Variants in LRRC8A observed in about 807,000 individuals in gnomAD.
The protein encoded by LRRC8A is volume-regulated anion channel subunit LRRC8A.
In LRRC8A, 24 loss-of-function variants were observed where a neutral mutation model predicts 52.5. The observed-to-expected ratio is 0.46, with a 90% CI of 0.33 to 0.64. The LOEUF is 0.64. Ranked by LOEUF, LRRC8A falls within the 30% of genes least tolerant of loss-of-function variation. The pLI, the probability that LRRC8A is intolerant of heterozygous loss-of-function variation, is 0.02. For synonymous variants in LRRC8A, 492 were observed against 494.2 expected (o/e 1.00, Z 0.06); for missense variants, 677 against 1,094.7 (o/e 0.62, Z 5.38).
At chr9:128,903,013 C>G (rs2130996267) in intron 2 of LRRC8A, among the ~76,000 whole-genome samples, 1 of 152,306 alleles carries the variant, frequency 6.6e-6, no homozygotes, top group Non-Finnish European at 1.5e-5. Flanking sequence ...AGGCGGAGGG[C>G]AAGTCCCACA....
chr9:128,894,701 G>C (rs1839754849), intron 2 of LRRC8A, among the ~76,000 whole-genome samples: 2 of 151,096 alleles, frequency 1.3e-5, no homozygotes, highest in African/African-American at 4.9e-5. Context: ...GCTGAGGCAG[G>C]AGAATCGCTT....
At chr9:128,896,784 C>T (rs1006784476) in intron 2 of LRRC8A, among the ~76,000 whole-genome samples, 9 of 152,192 alleles carry the variant, frequency 5.9e-5, no homozygotes, top group Middle Eastern at 3.4e-3. Context: ...TGCAGTGGTA[C>T]GATGTCTGCT....
Position 128,899,100 on chromosome 9 carries a change from A to G in LRRC8A, c.-8-8057A>G, listed in dbSNP as rs1450307321. ...GGGGAAGGAGGAGTCCAGGCTGGGCAGAGGCCTGGGCGCACCCACCCCTTG... is the reference window on the plus strand; with the variant it reads ...GGGGAAGGAGGAGTCCAGGCTGGGCGGAGGCCTGGGCGCACCCACCCCTTG... On this transcript the variant is annotated intron_variant, in intron 2 of 3. Transcript: ENST00000372600. The surrounding 1 kb of genome is among the most constrained non-coding windows in gnomAD (Gnocchi z 4.0). Among the ~76,000 whole-genome samples the G allele has an allele frequency of 6.6e-6, 1 of 152,208 alleles. No homozygotes were observed. The highest frequency in any genetic ancestry group is 1.5e-5 in the Non-Finnish European group (1 of 68,034).
intron 1 of LRRC8A, among the ~76,000 whole-genome samples, chr9:128,885,743 AC>A (rs761827899): frequency 3.3e-5 from 5 of 152,188 alleles, no homozygotes; most frequent in Non-Finnish European, 7.4e-5. Flanking sequence ...CGCTGTCTCT[AC>A]TAAAAATACA....
At chr9:128,887,793 C>T (rs907693779) in intron 2 of LRRC8A, among the ~76,000 whole-genome samples, 2 of 152,128 alleles carry the variant, frequency 1.3e-5, no homozygotes, top group African/African-American at 2.4e-5. Context: ...AGGCGCCCGC[C>T]ACCACGCCCG....
rs1303356818 is a variant in LRRC8A at position 128,909,318 on chromosome 9, C to T, written c.2154C>T (p.Asn718=). The change falls in exon 3 of 4, where the codon AAC becomes AAT. Residue 718 remains asparagine, a synonymous_variant. Coordinates refer to ENST00000372600, the MANE Select transcript of LRRC8A (RefSeq NM_019594.4). ...QNLQNLAITA[N]RIETLPPELF... ...TCCAGAACCTAGCCATCACGGCCAA[C>T]CGGGTGAGTGGCCCGGCCACAGCTC... 1 of 1,612,280 alleles carries T rather than the reference C, an allele frequency of 6.2e-7. No homozygotes were observed. The highest frequency in any genetic ancestry group is 8.5e-7 in the Non-Finnish European group (1 of 1,179,678).
chr9:128,908,539 G>A lies in LRRC8A; in HGVS notation c.1375G>A (p.Val459Met), dbSNP rs1252734487. The stretch of plus-strand genomic sequence containing the variant: ...CCTCAAGCTGGAGCTGATCCCCGAC[G>A]TGACCATCCCGCCCAGCATTGCCCA... ...EVLKLELIPD[V>M]TIPPSIAQLT... Residue 459 changes from valine to methionine, a missense_variant, in exon 3 of 4, where the codon GTG becomes ATG. Val to Met is a conservative substitution (Grantham distance 21). Around this residue, in one of 4 missense-constraint regions of LRRC8A, gnomAD observed 422 missense variants for 741.5 expected, o/e 0.57. Coordinates refer to ENST00000372600, the MANE Select transcript of LRRC8A (RefSeq NM_019594.4). The A allele has an allele frequency of 1.3e-5, 21 of 1,612,738 alleles. No individual in the cohort carries two copies. Among genetic ancestry groups the A allele is most frequent in the African/African-American group, 6.7e-5 (5 of 74,908 alleles).
intron 3 of LRRC8A, among the ~76,000 whole-genome samples, chr9:128,913,300 C>T (rs901681617): frequency 1.3e-5 from 2 of 152,118 alleles, no homozygotes; most frequent in Admixed American, 6.5e-5. Flanking sequence ...CCAAGGACAA[C>T]GCTGGGGCCC....
intron 2 of LRRC8A, among the ~76,000 whole-genome samples, chr9:128,904,997 CAAAAAA>C (rs770042979): frequency 6.4e-4 from 19 of 29,844 alleles, no homozygotes; most frequent in Non-Finnish European, 8.3e-4. Flanking sequence ...GACTCCGTCT[CAAAAAA>C]AAAAAAAAAA....
At chr9:128,904,261 A>G (rs1588214907) in intron 2 of LRRC8A, among the ~76,000 whole-genome samples, 1 of 152,082 alleles carries the variant, frequency 6.6e-6, no homozygotes, top group Non-Finnish European at 1.5e-5. Flanking sequence ...ACTCACACCT[A>G]TAATCCCAGC....
chr9:128,910,874 C>T lies in LRRC8A; in HGVS notation c.2157+1553C>T, dbSNP rs1181365150. Among the ~76,000 whole-genome samples, 5 of 152,178 alleles carry T rather than the reference C, an allele frequency of 3.3e-5. No homozygotes were observed. The East Asian group carries it at 5.8e-4, about 18-fold the overall frequency. On this transcript the variant is annotated intron_variant, in intron 3 of 3. Coordinates refer to ENST00000372600, the MANE Select transcript of LRRC8A (RefSeq NM_019594.4). ...CCTCTGCAGCCTCCGTGTGGCAACC[C>T]GCGTTTCTTAGTTCGGTTGTTGCTG... is the stretch of plus-strand genomic sequence containing the variant.
chr9:128,883,889 G>A (rs1355695366), intron 1 of LRRC8A, among the ~76,000 whole-genome samples: 1 of 152,066 alleles, frequency 6.6e-6, no homozygotes, highest in African/African-American at 2.4e-5. Flanking sequence ...CAGGAGAATT[G>A]CTTGAACCCA....
chr9:128,893,050 G>T (rs765078601), intron 2 of LRRC8A, among the ~76,000 whole-genome samples: 1 of 152,212 alleles, frequency 6.6e-6, no homozygotes, highest in Non-Finnish European at 1.5e-5. Context: ...AGAGTGGGCA[G>T]CTTGTCATTT....
In LRRC8A at chr9:128,899,121, C is replaced by T. The variant is rs1182665712; in HGVS notation, c.-8-8036C>T. The stretch of plus-strand genomic sequence containing the variant: ...GGGCAGAGGCCTGGGCGCACCCACC[C>T]CTTGGCCCATTTTTTACACAACATG... On this transcript the variant is annotated intron_variant, in intron 2 of 3. Transcript: ENST00000372600. This position sits in a 1 kb window ranked among gnomAD's most constrained non-coding sequence, Gnocchi z 4.0. Among the ~76,000 whole-genome samples the T allele has an allele frequency of 6.6e-6, 1 of 152,190 alleles. No homozygotes were observed. The highest frequency in any genetic ancestry group is 1.5e-5 in the Non-Finnish European group (1 of 68,040).
chr9:128,898,529 G>T lies in LRRC8A; in HGVS notation c.-8-8628G>T, dbSNP rs565317715. On this transcript the variant is annotated intron_variant, in intron 2 of 3. Transcript: ENST00000372600. ...TCACCAGGTGTCTCCTGAAGTCAGG[G>T]TTGCTCTGGCAGGGCTGGGCCAGGC... Among the ~76,000 whole-genome samples, 29 of 152,340 alleles carry T rather than the reference G, an allele frequency of 1.9e-4. No homozygotes were observed. The South Asian group carries it at 6.0e-3, about 32-fold the overall frequency.
At position 128,911,860 on chromosome 9, in the gene LRRC8A, G is replaced by T. The variant is rs144795465; in HGVS notation, c.2157+2539G>T. Among the ~76,000 whole-genome samples, 1,762 of 152,358 alleles carry T rather than the reference G, an allele frequency of 0.012. 39 individuals carry two copies. Among genetic ancestry groups the T allele is most frequent in the African/African-American group, 0.04 (1,659 of 41,588 alleles). On this transcript the variant is annotated intron_variant, in intron 3 of 3. Coordinates refer to ENST00000372600, the MANE Select transcript of LRRC8A (RefSeq NM_019594.4). The surrounding 1 kb of genome is among the most constrained non-coding windows in gnomAD (Gnocchi z 4.9). ...AAACAGTTCACTTGGGCCAACCCCA[G>T]GCAGGCCCCTCATTCTGAGTGGGAG...
chr9:128,910,046 G>A (rs889136441), intron 3 of LRRC8A, among the ~76,000 whole-genome samples: 16 of 152,210 alleles, frequency 1.1e-4, no homozygotes, highest in African/African-American at 3.9e-4. Flanking sequence ...TCTCTTACCT[G>A]GCTGGGGAAG....
chr9:128,907,647 G>C lies in LRRC8A; in HGVS notation c.483G>C (p.Leu161=). The change falls in exon 3 of 4, where the codon CTG becomes CTC. Residue 161 remains leucine (L), a synonymous_variant. Transcript: ENST00000372600. The surrounding 1 kb of genome is among the most constrained non-coding windows in gnomAD (Gnocchi z 9.3). ...SKLEHFVSIL[L]KCFDSPWTTR... ...TGGAGCACTTTGTGTCTATCCTGCTGAAGTGCTTCGACTCGCCCTGGACCA... is the reference window on the plus strand; with the variant it reads ...TGGAGCACTTTGTGTCTATCCTGCTCAAGTGCTTCGACTCGCCCTGGACCA... 1.9e-6 allele frequency: 3 copies of C among 1,614,140 alleles called. No individual in the cohort carries two copies. Among genetic ancestry groups the C allele is most frequent in the Non-Finnish European group, 1.7e-6 (2 of 1,180,040 alleles).
At chr9:128,888,362 G>C (rs1314875722) in intron 2 of LRRC8A, among the ~76,000 whole-genome samples, 1 of 152,102 alleles carries the variant, frequency 6.6e-6, no homozygotes, top group Non-Finnish European at 1.5e-5. Context: ...CCCACCACCT[G>C]GGTTCAGGGG....
Sources: gnomAD v4.1 joint callset for allele counts (sites outside exome capture counted in the v4.1 genomes callset) on GRCh38, gnomAD v4.1.1 for gene constraint, gnomAD v4.1.1 regional missense constraint, Gnocchi (gnomAD v3.1) non-coding constraint, MANE v1.5 for transcripts, NCBI Gene and HGNC (gene_info 2026-07-23, HGNC 2026-07-21) for gene names.